Variants in CRTAC1 observed in about 807,000 individuals in gnomAD.
The protein encoded by CRTAC1 is acidic secreted protein in cartilage.
In CRTAC1, 37 loss-of-function variants were observed where a neutral mutation model predicts 67.8. The observed-to-expected ratio is 0.55, with a 90% confidence interval of 0.42 to 0.72. The LOEUF (loss-of-function observed/expected upper bound fraction) is 0.72, where lower values mean the gene tolerates loss of function less well. Ranked by LOEUF, CRTAC1 falls within the 30% of genes least tolerant of loss-of-function variation. The pLI, the probability that CRTAC1 is intolerant of heterozygous loss-of-function variation, is 0.00. For missense variants in CRTAC1, 780 were observed against 931.6 expected, an observed-to-expected ratio of 0.84 and a Z score of 2.12; for synonymous variants, 348 against 371.0, an observed-to-expected ratio of 0.94 and a Z score of 0.71.
chr10:97,883,679 A>T (rs1425692728), intron 12 of CRTAC1, among the ~76,000 whole-genome samples: 1 of 152,162 alleles, frequency 6.6e-6, no homozygotes, highest in East Asian at 1.9e-4. Flanking sequence ...CATTTGTGTC[A>T]GTTTCAGTGG....
Position 98,030,597 on chromosome 10 carries a change from C to G in CRTAC1, c.-125G>C, listed in dbSNP as rs1843357714. ...CCGGGCTGGCCTCGAGCCTCCCGCC[C>G]CGACGCCGCGCGCTCGCTTTATACA... is the stretch of plus-strand genomic sequence containing the variant. On this transcript the variant is annotated 5_prime_UTR_variant, in exon 1 of 15. Coordinates refer to ENST00000370597, the MANE Select transcript of CRTAC1 (RefSeq NM_018058.7). This position sits in a 1 kb window ranked among gnomAD's most constrained non-coding sequence, Gnocchi z 4.2. 1 of 539,030 alleles carries G rather than the reference C, an allele frequency of 1.9e-6. No individual in the cohort carries two copies. Among genetic ancestry groups the G allele is most frequent in the East Asian group, 3.8e-5 (1 of 26,618 alleles). The allele number at this position is 539,030 out of a possible 1,614,324, so 33.4% of individuals were successfully genotyped here. A position where few individuals can be genotyped will look rare whatever the true frequency, so the allele number is the denominator to read the frequency against.
intron 11 of CRTAC1, among the ~76,000 whole-genome samples, chr10:97,887,963 C>T (rs1303727802): frequency 1.3e-5 from 2 of 152,280 alleles, no homozygotes; most frequent in East Asian, 3.8e-4. Context: ...AACTTCACAT[C>T]TCCACGAGGA....
chr10:97,936,402 G>T lies in CRTAC1; in HGVS notation c.225-36C>A, dbSNP rs776256439. 3.9e-6 allele frequency: 6 copies of T among 1,550,378 alleles called. No homozygotes were observed. The South Asian group carries it at 7.0e-5, about 18-fold the overall frequency. Reference sequence around the variant, plus strand: ...AATGGGGAGGGGATGCTGGGGAGGAGCCGCTGGGCCCACCCAGTCCCATCC... The same window carrying T: ...AATGGGGAGGGGATGCTGGGGAGGATCCGCTGGGCCCACCCAGTCCCATCC... On this transcript the variant is annotated intron_variant, in intron 2 of 14. Coordinates refer to ENST00000370597, the MANE Select transcript of CRTAC1 (RefSeq NM_018058.7).
At chr10:97,920,277 A>G (rs1195855471) in intron 4 of CRTAC1, among the ~76,000 whole-genome samples, 1 of 152,206 alleles carries the variant, frequency 6.6e-6, no homozygotes, top group African/African-American at 2.4e-5. Context: ...ATTCAGTTAT[A>G]CCTAGTTCCT....
intron 2 of CRTAC1, among the ~76,000 whole-genome samples, chr10:97,946,556 C>G (rs115529094): frequency 6.6e-6 from 1 of 152,120 alleles, no homozygotes; most frequent in Non-Finnish European, 1.5e-5. Flanking sequence ...GAGCTGGGAG[C>G]CTGTGGTTGG....
intron 2 of CRTAC1, among the ~76,000 whole-genome samples, chr10:97,994,717 T>G (rs1338519744): frequency 6.6e-6 from 1 of 152,196 alleles, no homozygotes; most frequent in Admixed American, 6.5e-5. Context: ...GATAGAAAAT[T>G]TCAGATCAAG....
intron 11 of CRTAC1, among the ~76,000 whole-genome samples, chr10:97,886,924 C>T (rs1451711844): frequency 1.3e-5 from 2 of 151,796 alleles, no homozygotes; most frequent in Non-Finnish European, 2.9e-5. Context: ...GGATTACAGA[C>T]GTGACCCACC....
At chr10:98,006,311 G>A (rs148681724) in intron 2 of CRTAC1, among the ~76,000 whole-genome samples, 8 of 152,324 alleles carry the variant, frequency 5.3e-5, no homozygotes, top group South Asian at 2.1e-4. Context: ...GTGCGTGCAC[G>A]GAAGTTGCCA....
At position 98,008,855 on chromosome 10, in the gene CRTAC1, G is replaced by C. The variant is rs370411596; in HGVS notation, c.224+2283C>G. Among the ~76,000 whole-genome samples the C allele has an allele frequency of 2.9e-3, 435 of 152,204 alleles. 3 individuals carry two copies. The highest frequency in any genetic ancestry group is 6.8e-3 in the Middle Eastern group (2 of 294). On this transcript the variant is annotated intron_variant, in intron 2 of 14. Coordinates refer to ENST00000370597, the MANE Select transcript of CRTAC1 (RefSeq NM_018058.7). ...TTCTCTGTCCTCTGTCAGTCCCCAG[G>C]GTCTATCAGGGGAGGCCAGGGTCAC...
At position 97,895,666 on chromosome 10, in the gene CRTAC1, A is replaced by G. The variant is rs2050447053; in HGVS notation, c.1317+219T>C. ...GGACTCAGGGCACAGTGTTTGGCAG[A>G]TAAATGATACTGGAAGGCAGAGAGG... On this transcript the variant is annotated intron_variant, in intron 10 of 14. Transcript: ENST00000370597. This position sits in a 1 kb window ranked among gnomAD's most constrained non-coding sequence, Gnocchi z 4.2. 1.3e-5 allele frequency among the ~76,000 whole-genome samples: 2 copies of G among 152,224 alleles called. No individual in the cohort carries two copies. The highest frequency in any genetic ancestry group is 1.3e-4 in the Admixed American group (2 of 15,288).
chr10:97,915,851 C>A (rs370089893), intron 5 of CRTAC1, among the ~76,000 whole-genome samples: 1 of 152,128 alleles, frequency 6.6e-6, no homozygotes, highest in Non-Finnish European at 1.5e-5. Flanking sequence ...CCTCTGGGCA[C>A]GCCAGCTGCC....
chr10:97,977,632 A>G (rs969998319), intron 2 of CRTAC1, among the ~76,000 whole-genome samples: 1 of 152,066 alleles, frequency 6.6e-6, no homozygotes, highest in Non-Finnish European at 1.5e-5. Context: ...AACCCTGGGG[A>G]GGGACGTCAG....
At chr10:97,985,459 C>T (rs2051964907) in intron 2 of CRTAC1, among the ~76,000 whole-genome samples, 1 of 152,110 alleles carries the variant, frequency 6.6e-6, no homozygotes, top group African/African-American at 2.4e-5. Flanking sequence ...TCCCTCAGAG[C>T]ACTCATGAAG....
chr10:98,016,128 G>A (rs1286688031), intron 1 of CRTAC1, among the ~76,000 whole-genome samples: 5 of 152,136 alleles, frequency 3.3e-5, no homozygotes, highest in Non-Finnish European at 5.9e-5. Flanking sequence ...TTTATGAAGA[G>A]GTGAGAAGGG....
chr10:97,889,137 G>A (rs2050327569), intron 11 of CRTAC1, among the ~76,000 whole-genome samples: 1 of 148,208 alleles, frequency 6.7e-6, no homozygotes, highest in Admixed American at 6.7e-5. Context: ...GGAAGGGGGG[G>A]AGGGGGAAGG....
At chr10:97,867,532 G>C in intron 14 of CRTAC1, 1 of 152,382 alleles carries the variant, frequency 6.6e-6, no homozygotes, top group East Asian at 1.9e-4. Context: ...GGAAGTCCTC[G>C]GCCCAAGTGA....
At position 98,030,057 on chromosome 10, in the gene CRTAC1, G is replaced by A. The variant is rs1843335475; in HGVS notation, c.24+392C>T. The stretch of plus-strand genomic sequence containing the variant: ...GCCCGGGTCTCAGCCTGGCTGACTG[G>A]GAGACTCTCCCGATAGCCCGGCACA... On this transcript the variant is annotated intron_variant, in intron 1 of 14. Coordinates refer to ENST00000370597, the MANE Select transcript of CRTAC1 (RefSeq NM_018058.7). The surrounding 1 kb of genome is among the most constrained non-coding windows in gnomAD (Gnocchi z 4.2). 6.6e-6 allele frequency among the ~76,000 whole-genome samples: 1 copy of A among 151,956 alleles called. No homozygotes were observed. Among genetic ancestry groups the A allele is most frequent in the Non-Finnish European group, 1.5e-5 (1 of 67,932 alleles).
chr10:97,965,388 G>T lies in CRTAC1; in HGVS notation c.225-29022C>A, dbSNP rs527595625. ...TGAGGCAAAAGCAGTTAAGTAACTT[G>T]TCCAGGGGACTGTAAACATCATTGG... On this transcript the variant is annotated intron_variant, in intron 2 of 14. Transcript: ENST00000370597. Among the ~76,000 whole-genome samples, 3 of 152,274 alleles carry T rather than the reference G, an allele frequency of 2.0e-5. No homozygotes were observed. The South Asian group carries it at 6.2e-4, about 32-fold the overall frequency.
At chr10:97,912,520 C>G (rs995826060) in intron 5 of CRTAC1, among the ~76,000 whole-genome samples, 1 of 152,198 alleles carries the variant, frequency 6.6e-6, no homozygotes, top group Non-Finnish European at 1.5e-5. Flanking sequence ...AGCCCTGGCA[C>G]GCTGGCAATG....
Sources: allele counts gnomAD v4.1 joint callset (sites outside exome capture counted in the v4.1 genomes callset), GRCh38; gene constraint gnomAD v4.1.1; non-coding constraint Gnocchi (gnomAD v3.1); transcripts MANE v1.5; gene names NCBI Gene and HGNC (gene_info 2026-07-23, HGNC 2026-07-21).